MB: variants seen among roughly 807,000 people sequenced by gnomAD.
The protein encoded by MB is myoglobin, also known as nitrite reductase MB.
Under a neutral mutation model 14.5 loss-of-function variants are expected in MB, and 10 were observed. That is an observed-to-expected ratio of 0.69 (90% CI 0.43 to 1.17). The LOEUF (loss-of-function observed/expected upper bound fraction) is 1.17. Among genes scored for constraint, MB ranks in the 50% most tolerant of loss-of-function variants. The probability of loss-of-function intolerance (pLI) is 0.00; values close to 1 mark genes in which losing one functional copy is unlikely to be tolerated. For synonymous variants in MB, 89 were observed against 78.6 expected, an observed-to-expected ratio of 1.13 and a Z score of -0.70; for missense variants, 169 against 192.7, an observed-to-expected ratio of 0.88 and a Z score of 0.73.
Position 35,607,374 on chromosome 22 carries a change from C to A in MB, c.388G>T (p.Gly130Trp). The A allele has an allele frequency of 6.2e-7, 1 of 1,614,160 alleles. No homozygotes were observed. Among genetic ancestry groups the A allele is most frequent in the Non-Finnish European group, 8.5e-7 (1 of 1,179,974 alleles). ...AGCTCCAGGGCCTTGTTCATGGCCCCCTGGGCATCAGCACCAAAGTCCCCG... is the reference window on the plus strand; with the variant it reads ...AGCTCCAGGGCCTTGTTCATGGCCCACTGGGCATCAGCACCAAAGTCCCCG... ...HPGDFGADAQ[G>W]AMNKALELFR... The change falls in exon 3 of 3, where the codon GGG becomes TGG. Residue 130 changes from glycine (G) to tryptophan (W), a missense_variant. By Grantham distance (184) the Gly-to-Trp change is radical. Coordinates refer to ENST00000397326, the MANE Select transcript of MB (RefSeq NM_005368.3).
intron 1 of MB, among the ~76,000 whole-genome samples, chr22:35,612,191 T>C (rs1407146624): frequency 6.6e-6 from 1 of 152,136 alleles, no homozygotes; most frequent in Non-Finnish European, 1.5e-5. Context: ...AAGCTCCTCT[T>C]TTATGATACC....
intron 1 of MB, among the ~76,000 whole-genome samples, chr22:35,612,415 CT>C (rs1245798212): frequency 6.6e-6 from 1 of 151,968 alleles, no homozygotes; most frequent in Non-Finnish European, 1.5e-5. Flanking sequence ...TTTTGTTTTT[CT>C]TTTTTGAGAT....
At chr22:35,621,542 G>A (rs960380245), upstream of MB, among the ~76,000 whole-genome samples, 16 of 152,108 alleles carry the variant, frequency 1.1e-4, no homozygotes, top group Admixed American at 5.9e-4. Context: ...GGCCTTCAAC[G>A]GTATTTTGTC....
At chr22:35,622,378 C>T (rs576848118) in intron 1 of MB, 1 of 152,734 alleles carries the variant, frequency 6.5e-6, no homozygotes, top group South Asian at 2.1e-4. Flanking sequence ...TGCTCAAGGC[C>T]CTTGATGGGG....
intron 1 of MB, among the ~76,000 whole-genome samples, chr22:35,613,841 C>T (rs1922846465): frequency 6.6e-6 from 1 of 152,144 alleles, no homozygotes; most frequent in Admixed American, 6.5e-5. Context: ...GCTAATTTGT[C>T]TCCCCGCAAG....
upstream of MB, among the ~76,000 whole-genome samples, chr22:35,621,169 T>C (rs1923437068): frequency 6.6e-6 from 1 of 152,224 alleles, no homozygotes; most frequent in South Asian, 2.1e-4. Context: ...AAAGCCAGGC[T>C]GCCTTTGTGT....
Position 35,617,300 on chromosome 22 carries a change from T to C in MB, c.-43A>G, listed in dbSNP as rs1923149470. On this transcript the variant is annotated 5_prime_UTR_variant, in exon 1 of 3. Coordinates refer to ENST00000397326, the MANE Select transcript of MB (RefSeq NM_005368.3). ...ACAAAAAGAGCAAGTATGGGCTCAC[T>C]GGGTGTCCTGGCCCCAACAGCTGGG... 6.6e-7 allele frequency: 1 copy of C among 1,507,798 alleles called. No individual in the cohort carries two copies. Among genetic ancestry groups the C allele is most frequent in the Non-Finnish European group, 9.2e-7 (1 of 1,083,734 alleles). 93.4% of individuals were successfully genotyped at this position (1,507,798 alleles called of 1,614,324 possible). A position where few individuals can be genotyped will look rare whatever the true frequency, so the allele number is the denominator to read the frequency against.
chr22:35,616,962 C>T lies in MB; in HGVS notation c.95+201G>A, dbSNP rs1170265040. The T allele has an allele frequency of 1.6e-5, 9 of 561,420 alleles. No homozygotes were observed. The Admixed American group carries it at 2.3e-4, about 14-fold the overall frequency. The allele number at this position is 561,420 out of a possible 1,614,324, so 34.8% of individuals were successfully genotyped here. ...TTCTCATGCTTCCTCCAGCTGCTGA[C>T]ATCAGCCTGAAATGGCTCCTTTCCC... On this transcript the variant is annotated intron_variant, in intron 1 of 2. Transcript: ENST00000397326.
chr22:35,617,180 C>A lies in MB; in HGVS notation c.78G>T (p.Gly26=). 1 of 1,613,828 alleles carries A rather than the reference C, an allele frequency of 6.2e-7. No individual in the cohort carries two copies. Among genetic ancestry groups the A allele is most frequent in the Non-Finnish European group, 8.5e-7 (1 of 1,179,706 alleles). ...GKVEADIPGH[G]QEVLIRLFKG... The stretch of plus-strand genomic sequence containing the variant: ...CCTTTTACCTGATGAGGACTTCCTG[C>A]CCATGGCCTGGGATGTCAGCCTCCA... Residue 26 remains glycine (G), a synonymous_variant, in exon 1 of 3, where the codon GGG becomes GGT. Coordinates refer to ENST00000397326, the MANE Select transcript of MB (RefSeq NM_005368.3).
At chr22:35,609,101 C>A (rs527565053) in intron 2 of MB, among the ~76,000 whole-genome samples, 1 of 152,192 alleles carries the variant, frequency 6.6e-6, no homozygotes, top group Non-Finnish European at 1.5e-5. Context: ...ATCCAACACT[C>A]GGCTTCTTCC....
At chr22:35,619,674 A>G (rs1451585903), upstream of MB, among the ~76,000 whole-genome samples, 2 of 152,254 alleles carry the variant, frequency 1.3e-5, no homozygotes, top group African/African-American at 2.4e-5. Flanking sequence ...TTTGGTAAGA[A>G]TTGGACAAAT....
At chr22:35,612,543 C>T (rs907851543) in intron 1 of MB, among the ~76,000 whole-genome samples, 3 of 152,098 alleles carry the variant, frequency 2.0e-5, no homozygotes, top group South Asian at 4.2e-4. Context: ...AGGATGGTCT[C>T]GATCTCCTGA....
chr22:35,612,096 C>T (rs528521518), intron 1 of MB, among the ~76,000 whole-genome samples: 89 of 152,320 alleles, frequency 5.8e-4, no homozygotes, highest in African/African-American at 2.0e-3. Flanking sequence ...CACCCTTTCC[C>T]TTGTGCCACA....
At chr22:35,613,686 G>A (rs1358130729) in intron 1 of MB, among the ~76,000 whole-genome samples, 2 of 19,442 alleles carry the variant, frequency 1.0e-4, no homozygotes, top group African/African-American at 2.7e-3. Flanking sequence ...TTGTAGAGAA[G>A]GGGGGTCTCA....
chr22:35,618,878 CATCT>C (rs1270462560), upstream of MB, among the ~76,000 whole-genome samples: 1 of 151,444 alleles, frequency 6.6e-6, no homozygotes, highest in Non-Finnish European at 1.5e-5. Flanking sequence ...TCCCTCCATC[CATCT>C]ATCCATCCAT....
chr22:35,617,183 A>C lies in MB; in HGVS notation c.75T>G (p.His25Gln). 1.9e-6 allele frequency: 3 copies of C among 1,613,994 alleles called. No individual in the cohort carries two copies. Among genetic ancestry groups the C allele is most frequent in the Non-Finnish European group, 1.7e-6 (2 of 1,179,880 alleles). Residue 25 changes from histidine (H) to glutamine (Q), a missense_variant, in exon 1 of 3, where the codon CAT becomes CAG. Coordinates refer to ENST00000397326, the MANE Select transcript of MB (RefSeq NM_005368.3). ...TTTACCTGATGAGGACTTCCTGCCCATGGCCTGGGATGTCAGCCTCCACCT... is the reference window on the plus strand; with the variant it reads ...TTTACCTGATGAGGACTTCCTGCCCCTGGCCTGGGATGTCAGCCTCCACCT... The part of the protein sequence containing the change: ...WGKVEADIPG[H>Q]GQEVLIRLFK...
At chr22:35,612,731 C>G (rs1922736464) in intron 1 of MB, among the ~76,000 whole-genome samples, 1 of 152,196 alleles carries the variant, frequency 6.6e-6, no homozygotes, top group Non-Finnish European at 1.5e-5. Context: ...TGTCTATACT[C>G]TTGATGACTA....
chr22:35,612,186 C>T (rs1922683985), intron 1 of MB, among the ~76,000 whole-genome samples: 1 of 152,162 alleles, frequency 6.6e-6, no homozygotes, highest in African/African-American at 2.4e-5. Context: ...TTGAAAAGCT[C>T]CTCTTTTATG....
At position 35,614,496 on chromosome 22, in the gene MB, A is replaced by G. The variant is rs148403451; in HGVS notation, c.95+2667T>C. ...CCAGCAAGACTCCATCTCAAAAAAAAAAAAAAGGAGCAAGGATTCTGGATC... is the reference window on the plus strand; with the variant it reads ...CCAGCAAGACTCCATCTCAAAAAAAGAAAAAAGGAGCAAGGATTCTGGATC... On this transcript the variant is annotated intron_variant, in intron 1 of 2. Coordinates refer to ENST00000397326, the MANE Select transcript of MB (RefSeq NM_005368.3). 2.4e-3 allele frequency among the ~76,000 whole-genome samples: 365 copies of G among 151,964 alleles called. 4 individuals carry two copies. The highest frequency in any genetic ancestry group is 8.2e-3 in the African/African-American group (341 of 41,444).
Sources: gnomAD v4.1 joint callset for allele counts (sites outside exome capture counted in the v4.1 genomes callset) on GRCh38, gnomAD v4.1.1 for gene constraint, MANE v1.5 for transcripts, NCBI Gene and HGNC (gene_info 2026-07-23, HGNC 2026-07-21) for gene names.